Variants in SMPDL3A observed in about 807,000 individuals in gnomAD.
SMPDL3A encodes sphingomyelin phosphodiesterase acid like 3A, also known as cyclic GMP-AMP phosphodiesterase SMPDL3A.
SMPDL3A carries 39 observed loss-of-function variants against 38.5 expected under a neutral mutation model. The observed-to-expected ratio is 1.01, with a 90% confidence interval of 0.78 to 1.32. The LOEUF (loss-of-function observed/expected upper bound fraction) is 1.32, where lower values mean the gene tolerates loss of function less well. Among genes scored for constraint, SMPDL3A ranks in the 40% most tolerant of loss-of-function variants. The pLI is 0.00. For missense variants in SMPDL3A, 502 were observed against 536.2 expected (o/e 0.94, Z 0.63); for synonymous variants, 180 against 194.3 (o/e 0.93, Z 0.61).
chr6:122,791,494 T>C lies in SMPDL3A; in HGVS notation c.112+2036T>C, dbSNP rs1480069207. Among the ~76,000 whole-genome samples the C allele has an allele frequency of 6.6e-5, 10 of 152,310 alleles. No homozygotes were observed. The South Asian group carries it at 8.3e-4, about 13-fold the overall frequency. On this transcript the variant is annotated intron_variant, in intron 1 of 7. Transcript: ENST00000368440. ...AGCAGCCATACTTCAACCATTCATA[T>C]ACTGCTGAGTGTTCAAACTATGTTC...
intron 1 of SMPDL3A, among the ~76,000 whole-genome samples, chr6:122,795,004 A>C (rs1039112715): frequency 4.1e-4 from 62 of 152,222 alleles, no homozygotes; most frequent in African/African-American, 1.5e-3. Context: ...TTAAACTCTT[A>C]AAGGAGACAT....
intron 1 of SMPDL3A, among the ~76,000 whole-genome samples, chr6:122,795,387 C>T (rs1781211035): frequency 6.6e-6 from 1 of 152,156 alleles, no homozygotes; most frequent in Non-Finnish European, 1.5e-5. Context: ...AAGGGATCCA[C>T]CTGCTTCAGC....
At chr6:122,799,829 A>G (rs1200300796) in intron 3 of SMPDL3A, among the ~76,000 whole-genome samples, 2 of 152,274 alleles carry the variant, frequency 1.3e-5, no homozygotes, top group South Asian at 2.1e-4. Flanking sequence ...AAATAGGTCT[A>G]TTTTACCAAT....
At chr6:122,790,881 T>C (rs1442451217) in intron 1 of SMPDL3A, among the ~76,000 whole-genome samples, 1 of 152,100 alleles carries the variant, frequency 6.6e-6, no homozygotes, top group African/African-American at 2.4e-5. Flanking sequence ...CACCTCCTGT[T>C]TGGGAAACTG....
chr6:122,806,886 A>G (rs535694672), intron 7 of SMPDL3A, among the ~76,000 whole-genome samples: 2 of 152,328 alleles, frequency 1.3e-5, no homozygotes, highest in African/African-American at 2.4e-5. Flanking sequence ...AATGCTTAAT[A>G]AATGTTAACA....
chr6:122,792,114 AAC>A (rs546087444), intron 1 of SMPDL3A, among the ~76,000 whole-genome samples: 200 of 152,360 alleles, frequency 1.3e-3, no homozygotes, highest in Middle Eastern at 6.8e-3. Flanking sequence ...AGGCCTTGGA[AAC>A]ACACATAGGC....
chr6:122,809,594 T>C lies in SMPDL3A; in HGVS notation c.*186T>C. On this transcript the variant is annotated 3_prime_UTR_variant, in exon 8 of 8. Coordinates refer to ENST00000368440, the MANE Select transcript of SMPDL3A (RefSeq NM_006714.5). Reference sequence around the variant, plus strand: ...ATCATTCTGAATTGTATTATATATTTAAAGTGCTCATTAATAGAATGATGG... The same window carrying C: ...ATCATTCTGAATTGTATTATATATTCAAAGTGCTCATTAATAGAATGATGG... 4.0e-6 allele frequency: 2 copies of C among 502,616 alleles called. No individual in the cohort carries two copies. The highest frequency in any genetic ancestry group is 7.0e-6 in the Non-Finnish European group (2 of 286,232). The allele number at this position is 502,616 out of a possible 1,614,324, so 31.1% of individuals were successfully genotyped here.
chr6:122,805,183 T>A (rs1156782089), intron 6 of SMPDL3A, 94 bp downstream of exon 6: 7 of 1,099,754 alleles, frequency 6.4e-6, no homozygotes, highest in Admixed American at 2.7e-5. Context: ...AAATTAAACG[T>A]TTTATTTAAA....
chr6:122,803,951 G>T, intron 5 of SMPDL3A, 118 bp downstream of exon 5: 25 of 782,310 alleles, frequency 3.2e-5, no homozygotes, highest in South Asian at 1.7e-4. Context: ...GATTTTTTTT[G>T]CATAAACACT....
chr6:122,791,306 T>C (rs934006556), intron 1 of SMPDL3A, among the ~76,000 whole-genome samples: 4 of 152,174 alleles, frequency 2.6e-5, no homozygotes, highest in African/African-American at 9.7e-5. Flanking sequence ...CTGGCTTGTG[T>C]ATTGGTACTG....
In SMPDL3A at chr6:122,789,469, C is replaced by A; in HGVS notation, c.112+11C>A. ...CTCCTCCGGCGATAGGTGAGTTGTC[C>A]GCGACCCTTCTCTTCCCAGCCGGCA... On this transcript the variant is annotated intron_variant, in intron 1 of 7. Transcript: ENST00000368440. 6.5e-7 allele frequency: 1 copy of A among 1,541,782 alleles called. No homozygotes were observed. The highest frequency in any genetic ancestry group is 1.2e-5 in the South Asian group (1 of 83,844).
chr6:122,803,561 G>A (rs969658215), intron 4 of SMPDL3A, 103 bp from the exon 5 acceptor site: 3 of 788,196 alleles, frequency 3.8e-6, no homozygotes, highest in Non-Finnish European at 6.1e-6. Flanking sequence ...TGAGAAATAA[G>A]CACCAACCTC....
intron 2 of SMPDL3A, 106 bp downstream of exon 2, chr6:122,795,996 T>A (rs1781237549): frequency 1.2e-6 from 1 of 830,414 alleles, no homozygotes; most frequent in African/African-American, 1.7e-5. Flanking sequence ...ATTTTAAGAG[T>A]TATTTGAGTT....
intron 3 of SMPDL3A, among the ~76,000 whole-genome samples, chr6:122,799,489 A>G (rs983587482): frequency 2.0e-5 from 3 of 152,206 alleles, no homozygotes; most frequent in African/African-American, 7.2e-5. Flanking sequence ...CATAATTCTA[A>G]GCTTCTCCAT....
chr6:122,791,428 A>C lies in SMPDL3A; in HGVS notation c.112+1970A>C, dbSNP rs138159376. 3.7e-3 allele frequency among the ~76,000 whole-genome samples: 562 copies of C among 152,332 alleles called. 2 individuals carry two copies. Among genetic ancestry groups the C allele is most frequent in the Non-Finnish European group, 7.1e-3 (485 of 68,026 alleles). ...CAGATGAGACTGAAAACCTAACTTA[A>C]GAGTATGCACTGGTAACAATAGCTA... On this transcript the variant is annotated intron_variant, in intron 1 of 7. Transcript: ENST00000368440.
intron 7 of SMPDL3A, among the ~76,000 whole-genome samples, chr6:122,808,609 C>CCCTT (rs1194682012): frequency 1.9e-3 from 84 of 44,350 alleles, no homozygotes; most frequent in Middle Eastern, 0.013. Context: ...CTCCCTCCCT[C>CCCTT]CCTTCCTTCC....
At chr6:122,794,688 G>A (rs998393168) in intron 1 of SMPDL3A, among the ~76,000 whole-genome samples, 7 of 152,166 alleles carry the variant, frequency 4.6e-5, no homozygotes, top group African/African-American at 1.7e-4. Flanking sequence ...AAAACCCAAT[G>A]GAAGCATCCT....
chr6:122,806,619 A>G (rs1781631511), intron 7 of SMPDL3A, among the ~76,000 whole-genome samples: 1 of 152,144 alleles, frequency 6.6e-6, no homozygotes, highest in Non-Finnish European at 1.5e-5. Flanking sequence ...GGTTAGTGCC[A>G]TGTTTGTGGA....
At chr6:122,799,568 T>G (rs1781357358) in intron 3 of SMPDL3A, among the ~76,000 whole-genome samples, 1 of 152,254 alleles carries the variant, frequency 6.6e-6, no homozygotes, top group Admixed American at 6.5e-5. Flanking sequence ...TTTTATTATA[T>G]GATGATAACG....
Sources: allele counts gnomAD v4.1 joint callset (sites outside exome capture counted in the v4.1 genomes callset), GRCh38; gene constraint gnomAD v4.1.1; transcripts MANE v1.5; gene names NCBI Gene and HGNC (gene_info 2026-07-23, HGNC 2026-07-21).